LHFPL3: variants seen among roughly 807,000 people sequenced by gnomAD.
LHFPL3 encodes the protein LHFPL tetraspan subfamily member 3 protein.
A neutral mutation model predicts 19.3 loss-of-function variants in LHFPL3; 5 were observed. That is an observed-to-expected ratio of 0.26 (90% CI 0.14 to 0.54). LHFPL3 has a LOEUF of 0.54. LHFPL3 is among the 20% of genes least tolerant of loss of function. LHFPL3 has a pLI of 0.94. For missense variants in LHFPL3, 249 were observed against 307.4 expected (o/e 0.81, Z 1.42); for synonymous variants, 133 against 126.2 (o/e 1.05, Z -0.36).
intron 2 of LHFPL3, among the ~76,000 whole-genome samples, chr7:104,795,449 C>A (rs1295650386): frequency 6.6e-6 from 1 of 152,138 alleles, no homozygotes; most frequent in African/African-American, 2.4e-5. Flanking sequence ...ATTAAGACAG[C>A]GATTCTTCTA....
intron 1 of LHFPL3, among the ~76,000 whole-genome samples, chr7:104,470,849 G>T (rs188265487): frequency 1.3e-5 from 2 of 152,176 alleles, no homozygotes; most frequent in East Asian, 3.9e-4. Context: ...TTTCATTCCA[G>T]CTCTCATTTC....
In LHFPL3 at chr7:104,742,627, T is replaced by C. The variant is rs373369737; in HGVS notation, c.682+5716T>C. On this transcript the variant is annotated intron_variant, in intron 2 of 2. Coordinates refer to ENST00000424859, the MANE Select transcript of LHFPL3 (RefSeq NM_199000.3). ...CCAGCTGAGGAGCCTTGGGCCAATA[T>C]CTTAATAGTTCCAAAATTAAGCTTC... Among the ~76,000 whole-genome samples, 7 of 152,320 alleles carry C rather than the reference T, an allele frequency of 4.6e-5. No homozygotes were observed. The East Asian group carries it at 9.6e-4, about 21-fold the overall frequency.
At chr7:104,348,889 A>G (rs947876697) in intron 1 of LHFPL3, among the ~76,000 whole-genome samples, 3 of 152,202 alleles carry the variant, frequency 2.0e-5, no homozygotes, top group African/African-American at 4.8e-5. Flanking sequence ...CATTTATACA[A>G]TGGTTGCAAG....
intron 2 of LHFPL3, among the ~76,000 whole-genome samples, chr7:104,841,491 G>GATGT: frequency 7.0e-6 from 1 of 141,926 alleles, no homozygotes; most frequent in Admixed American, 6.9e-5. Flanking sequence ...TGCATTATGT[G>GATGT]GGGTGTGTGT....
At chr7:104,698,241 C>A (rs562232636) in intron 1 of LHFPL3, among the ~76,000 whole-genome samples, 2 of 152,260 alleles carry the variant, frequency 1.3e-5, no homozygotes, top group African/African-American at 4.8e-5. Flanking sequence ...ATAAGAACAA[C>A]AAAACAATAG....
At chr7:104,868,626 A>G (rs1385238043) in intron 2 of LHFPL3, among the ~76,000 whole-genome samples, 1 of 152,178 alleles carries the variant, frequency 6.6e-6, no homozygotes, top group Non-Finnish European at 1.5e-5. Flanking sequence ...GGAAGAATCA[A>G]TATCGTGAAA....
chr7:104,579,372 C>T (rs971040094), intron 1 of LHFPL3, among the ~76,000 whole-genome samples: 13 of 152,156 alleles, frequency 8.5e-5, no homozygotes, highest in African/African-American at 2.2e-4. Context: ...TCCAGGGGCA[C>T]CCAATATTTA....
At chr7:104,591,015 A>T (rs1209356059) in intron 1 of LHFPL3, among the ~76,000 whole-genome samples, 1 of 152,122 alleles carries the variant, frequency 6.6e-6, no homozygotes, top group Admixed American at 6.6e-5. Flanking sequence ...GTCTCTGCAC[A>T]TAAGATGGGT....
intron 1 of LHFPL3, among the ~76,000 whole-genome samples, chr7:104,426,101 C>A (rs898454327): frequency 2.0e-5 from 3 of 152,184 alleles, no homozygotes; most frequent in Admixed American, 6.5e-5. Context: ...TGGGACATGA[C>A]ATTTTCTACT....
At chr7:104,627,043 T>C (rs774441287) in intron 1 of LHFPL3, among the ~76,000 whole-genome samples, 5 of 152,210 alleles carry the variant, frequency 3.3e-5, no homozygotes, top group Middle Eastern at 3.2e-3. Context: ...TATTATTAAC[T>C]ATAGCCCACA....
At chr7:104,647,621 T>C (rs1562957523) in intron 1 of LHFPL3, among the ~76,000 whole-genome samples, 1 of 152,256 alleles carries the variant, frequency 6.6e-6, no homozygotes, top group Non-Finnish European at 1.5e-5. Flanking sequence ...CATAGTGGCT[T>C]AAATAAGAAG....
chr7:104,832,317 A>AAAAC (rs1790968127), intron 2 of LHFPL3, among the ~76,000 whole-genome samples: 1 of 151,978 alleles, frequency 6.6e-6, no homozygotes, highest in Non-Finnish European at 1.5e-5. Context: ...AAACATAAAG[A>AAAAC]AAACACCTAA....
intron 1 of LHFPL3, among the ~76,000 whole-genome samples, chr7:104,453,830 A>G (rs1256977280): frequency 6.6e-6 from 1 of 151,900 alleles, no homozygotes; most frequent in Non-Finnish European, 1.5e-5. Flanking sequence ...CACTTCCCTC[A>G]CTTGCTCCTG....
intron 1 of LHFPL3, among the ~76,000 whole-genome samples, chr7:104,331,359 G>A (rs976870140): frequency 6.6e-6 from 1 of 152,104 alleles, no homozygotes; most frequent in Non-Finnish European, 1.5e-5. Context: ...GGAGAAGTCC[G>A]GATCCTTAAG....
chr7:104,722,682 A>G (rs1381486326), intron 1 of LHFPL3, among the ~76,000 whole-genome samples: 1 of 152,182 alleles, frequency 6.6e-6, no homozygotes, highest in African/African-American at 2.4e-5. Flanking sequence ...TATCTCTTTT[A>G]CCAGGTGTTA....
intron 1 of LHFPL3, among the ~76,000 whole-genome samples, chr7:104,571,878 T>C (rs1790237104): frequency 6.6e-6 from 1 of 152,190 alleles, no homozygotes; most frequent in South Asian, 2.1e-4. Flanking sequence ...GCATTCTATT[T>C]TGGCAAAATC....
chr7:104,546,159 G>A (rs1218199237), intron 1 of LHFPL3, among the ~76,000 whole-genome samples: 2 of 152,124 alleles, frequency 1.3e-5, no homozygotes, highest in Non-Finnish European at 2.9e-5. Flanking sequence ...CTAACTTTCT[G>A]ACAAGACTGT....
intron 1 of LHFPL3, among the ~76,000 whole-genome samples, chr7:104,557,148 T>C (rs548926654): frequency 1.3e-5 from 2 of 152,346 alleles, no homozygotes; most frequent in Non-Finnish European, 2.9e-5. Flanking sequence ...TTCCAATCTC[T>C]GCCTTGTTCC....
rs139735938 is a variant in LHFPL3 at position 104,718,753 on chromosome 7, T to A, written c.446-17922T>A. On this transcript the variant is annotated intron_variant, in intron 1 of 2. Coordinates refer to ENST00000424859, the MANE Select transcript of LHFPL3 (RefSeq NM_199000.3). ...CATACAAATTTATTATCAAAATGAA[T>A]AAGCTAAATAGTAGGTAACCACTCA... is the stretch of plus-strand genomic sequence containing the variant. Among the ~76,000 whole-genome samples, 497 of 152,278 alleles carry A rather than the reference T, an allele frequency of 3.3e-3. 1 individual carries two copies. The highest frequency in any genetic ancestry group is 0.011 in the African/African-American group (452 of 41,554).
Sources: gnomAD v4.1 joint callset for allele counts (sites outside exome capture counted in the v4.1 genomes callset) on GRCh38, gnomAD v4.1.1 for gene constraint, MANE v1.5 for transcripts, NCBI Gene and HGNC (gene_info 2026-07-23, HGNC 2026-07-21) for gene names.